The following PRUNE2 variants were observed in gnomAD, a reference collection of about 807,000 sequenced individuals.
PRUNE2 encodes the protein prune homolog 2 with BCH domain.
In PRUNE2, 164 loss-of-function variants were observed where a neutral mutation model predicts 252.0. The ratio of observed to expected loss-of-function variants is 0.65; its 90% CI spans 0.57 to 0.74. The LOEUF is 0.74. PRUNE2 is among the 30% of genes least tolerant of loss of function. PRUNE2 has a pLI of 0.00. For synonymous variants in PRUNE2, 1,292 were observed against 1,350.2 expected (o/e 0.96, Z 0.94); for missense variants, 3,495 against 3,711.0 (o/e 0.94, Z 1.51).
intron 1 of PRUNE2, among the ~76,000 whole-genome samples, chr9:76,886,717 A>C (rs1389900631): frequency 6.6e-6 from 1 of 152,228 alleles, no homozygotes; most frequent in African/African-American, 2.4e-5. Flanking sequence ...TGAACACACA[A>C]CCTAAAAATT....
chr9:76,903,239 C>A (rs2063285745), intron 1 of PRUNE2, among the ~76,000 whole-genome samples: 1 of 152,094 alleles, frequency 6.6e-6, no homozygotes, highest in African/African-American at 2.4e-5. Flanking sequence ...ATTTAAAGTT[C>A]TTTTTGCCTA....
intron 9 of PRUNE2, among the ~76,000 whole-genome samples, chr9:76,659,385 T>C (rs1484261348): frequency 6.6e-6 from 1 of 152,188 alleles, no homozygotes; most frequent in Non-Finnish European, 1.5e-5. Flanking sequence ...TCAAAGCATA[T>C]AGGAACAAAA....
At chr9:76,790,138 C>A (rs529422603) in intron 6 of PRUNE2, among the ~76,000 whole-genome samples, 1 of 152,094 alleles carries the variant, frequency 6.6e-6, no homozygotes, top group Admixed American at 6.6e-5. Context: ...TCCTCTGAAC[C>A]CTCCAGGCTG....
Position 76,707,725 on chromosome 9 carries a change from C to A in PRUNE2, c.4549G>T (p.Gly1517Trp). The part of the protein sequence containing the change: ...SEITKNLDVK[G>W]SENSLPGAGS... ...GCTCCTGGAAGGCTATTTTCAGACC[C>A]CTTAACGTCAAGATTTTTGGTTATC... The change falls in exon 8 of 19, where the codon GGG (glycine) becomes TGG (tryptophan). Residue 1517 changes from glycine (G) to tryptophan (W), a missense_variant. Transcript: ENST00000376718. 1 of 1,613,814 alleles carries A rather than the reference C, an allele frequency of 6.2e-7. No homozygotes were observed. Among genetic ancestry groups the A allele is most frequent in the Non-Finnish European group, 8.5e-7 (1 of 1,179,850 alleles).
chr9:76,792,039 T>C (rs2055599490), intron 6 of PRUNE2, among the ~76,000 whole-genome samples: 1 of 152,084 alleles, frequency 6.6e-6, no homozygotes, highest in African/African-American at 2.4e-5. Context: ...TTCCTGTGCC[T>C]TTGTGCGAGG....
chr9:76,772,355 G>A (rs762400690), intron 6 of PRUNE2, among the ~76,000 whole-genome samples: 44 of 151,732 alleles, frequency 2.9e-4, no homozygotes, highest in Non-Finnish European at 4.7e-4. Flanking sequence ...TTTTTAAATG[G>A]CAATAGTCAT....
At chr9:76,902,979 T>C (rs764581249) in intron 1 of PRUNE2, among the ~76,000 whole-genome samples, 24 of 152,230 alleles carry the variant, frequency 1.6e-4, no homozygotes, top group Non-Finnish European at 2.6e-4. Flanking sequence ...GGATTAAAAA[T>C]AGAATTGAGA....
chr9:76,798,877 A>T (rs1182243570), intron 6 of PRUNE2, among the ~76,000 whole-genome samples: 1 of 152,192 alleles, frequency 6.6e-6, no homozygotes, highest in Non-Finnish European at 1.5e-5. Flanking sequence ...TGGAAATAGT[A>T]AGATACCAAG....
At chr9:76,751,522 G>C (rs1276292761) in intron 6 of PRUNE2, among the ~76,000 whole-genome samples, 1 of 152,130 alleles carries the variant, frequency 6.6e-6, no homozygotes, top group Non-Finnish European at 1.5e-5. Context: ...TTAAATGCTT[G>C]TCCTATATAC....
At chr9:76,856,273 C>T (rs147541680) in intron 1 of PRUNE2, among the ~76,000 whole-genome samples, 1 of 152,240 alleles carries the variant, frequency 6.6e-6, no homozygotes, top group Non-Finnish European at 1.5e-5. Context: ...AGGATCTCAG[C>T]GTCCACACAA....
chr9:76,618,318 T>C (rs1283640077), intron 18 of PRUNE2, among the ~76,000 whole-genome samples: 1 of 152,162 alleles, frequency 6.6e-6, no homozygotes, highest in Non-Finnish European at 1.5e-5. Flanking sequence ...TCCAACTTCC[T>C]TTTGGACCTC....
intron 4 of PRUNE2, among the ~76,000 whole-genome samples, chr9:76,842,641 A>G (rs371534491): frequency 6.6e-6 from 1 of 152,220 alleles, no homozygotes; most frequent in African/African-American, 2.4e-5. Flanking sequence ...TTACAAGAAT[A>G]AAACAAACAA....
intron 5 of PRUNE2, among the ~76,000 whole-genome samples, chr9:76,825,945 T>C (rs1417565477): frequency 6.6e-6 from 1 of 152,236 alleles, no homozygotes; most frequent in East Asian, 1.9e-4. Flanking sequence ...GAAATCCCAT[T>C]GTGCTTGATA....
At chr9:76,713,526 A>G (rs751726355) in intron 7 of PRUNE2, 37 bp downstream of exon 7, 6 of 1,574,494 alleles carry the variant, frequency 3.8e-6, no homozygotes, top group Non-Finnish European at 5.2e-6. Context: ...GCAGGTTAGG[A>G]CAGAGGGAAC....
rs2059898354 is a variant in PRUNE2 at position 76,850,452 on chromosome 9, G to C, written c.344+11C>G. 1.9e-6 allele frequency: 3 copies of C among 1,608,482 alleles called. No individual in the cohort carries two copies. The East Asian group carries it at 6.7e-5, about 36-fold the overall frequency. ...AGGGATTAAACCTCAGAGCTTCACA[G>C]TGGATCTTACCTCGCCAGCACACTG... On this transcript the variant is annotated intron_variant, in intron 3 of 18. Transcript: ENST00000376718.
intron 9 of PRUNE2, chr9:76,691,941 A>G: frequency 1.6e-6 from 1 of 635,614 alleles, no homozygotes; most frequent in Non-Finnish European, 2.9e-6. Flanking sequence ...AGAATTCGGC[A>G]TCCTCTCATC....
At chr9:76,897,094 A>G (rs2062866493) in intron 1 of PRUNE2, among the ~76,000 whole-genome samples, 2 of 152,214 alleles carry the variant, frequency 1.3e-5, no homozygotes, top group Non-Finnish European at 2.9e-5. Context: ...TTTCAGTAAC[A>G]TTGGTTGATA....
intron 1 of PRUNE2, among the ~76,000 whole-genome samples, chr9:76,897,390 CTTTTTTTTTTTTTTTT>C (rs55702049): frequency 5.2e-4 from 29 of 56,294 alleles, no homozygotes; most frequent in South Asian, 1.3e-3. Context: ...AGGCAAACCT[CTTTTTTTTTTTTTTTT>C]TTTTTTTTTT....
chr9:76,876,355 C>T (rs1439756798), intron 1 of PRUNE2, among the ~76,000 whole-genome samples: 1 of 152,180 alleles, frequency 6.6e-6, no homozygotes, highest in African/African-American at 2.4e-5. Context: ...CCATGACCCA[C>T]AATGCTAGAG....
Sources: allele counts gnomAD v4.1 joint callset (sites outside exome capture counted in the v4.1 genomes callset), GRCh38; gene constraint gnomAD v4.1.1; transcripts MANE v1.5; gene names NCBI Gene and HGNC (gene_info 2026-07-23, HGNC 2026-07-21).